Variants in BRSK1 observed in about 807,000 individuals in gnomAD.
BRSK1 encodes the protein serine/threonine-protein kinase BRSK1.
A neutral mutation model predicts 86.2 loss-of-function variants in BRSK1; 17 were observed. That is an observed-to-expected ratio of 0.20 (90% CI 0.14 to 0.30). BRSK1 has a LOEUF of 0.30. BRSK1 is among the 10% of genes least tolerant of loss of function. BRSK1 has a pLI of 1.00. For synonymous variants in BRSK1, 464 were observed against 440.1 expected, an observed-to-expected ratio of 1.05 and a Z score of -0.68; for missense variants, 719 against 1,071.9, an observed-to-expected ratio of 0.67 and a Z score of 4.60.
At chr19:55,284,872 G>A (rs575761711) in intron 1 of BRSK1, among the ~76,000 whole-genome samples, 57 of 150,332 alleles carry the variant, frequency 3.8e-4, no homozygotes, top group African/African-American at 1.4e-3. Flanking sequence ...GGACTCCTGG[G>A]TTTCAGGGAG....
At position 55,304,215 on chromosome 19, in the gene BRSK1, C is replaced by T. The variant is rs916600853; in HGVS notation, c.1347+105C>T. ...AATTCCTGTGCAGTCTTGAGACTTG[C>T]TTCTTTGTCCCTGGAGGGCCAAAGA... On this transcript the variant is annotated intron_variant, in intron 13 of 18. Transcript: ENST00000309383. This position sits in a 1 kb window ranked among gnomAD's most constrained non-coding sequence, Gnocchi z 5.2. 213 of 1,232,118 alleles carry T rather than the reference C, an allele frequency of 1.7e-4. 1 individual carries two copies. Among genetic ancestry groups the T allele is most frequent in the Non-Finnish European group, 2.4e-5 (21 of 890,834 alleles). 76.3% of individuals were successfully genotyped at this position (1,232,118 alleles called of 1,614,324 possible).
In BRSK1 at chr19:55,302,556, G is replaced by C; in HGVS notation, c.858-141G>C. ...GGGTCTGAGATGGGGGGCGAGGTCT[G>C]GGGCGTCTGGATTCCTGGGTATGAG... On this transcript the variant is annotated intron_variant, in intron 9 of 18. Transcript: ENST00000309383. The surrounding 1 kb of genome is among the most constrained non-coding windows in gnomAD (Gnocchi z 6.3). 8.9e-7 allele frequency: 1 copy of C among 1,120,422 alleles called. No individual in the cohort carries two copies. The highest frequency in any genetic ancestry group is 1.3e-6 in the Non-Finnish European group (1 of 781,242). The allele number at this position is 1,120,422 out of a possible 1,614,324, so 69.4% of individuals were successfully genotyped here.
chr19:55,295,467 A>C (rs1454477881), intron 7 of BRSK1, among the ~76,000 whole-genome samples: 1 of 152,188 alleles, frequency 6.6e-6, no homozygotes, highest in Non-Finnish European at 1.5e-5. Flanking sequence ...ATACTACATT[A>C]ACCAACAGAC....
chr19:55,303,667 A>AC lies in BRSK1; in HGVS notation c.1135dup (p.Arg379ProfsTer54), dbSNP rs746043904. ...TTGGGTTGAAACTGTTGTCCCTCAG[A>AC]CCCCCCCCGGAAGCGTGTGGATTCT... On this transcript the variant is annotated frameshift_variant and splice_region_variant, in exon 12 of 19. Transcript: ENST00000309383. LOFTEE classifies it high-confidence loss of function. This position sits in a 1 kb window ranked among gnomAD's most constrained non-coding sequence, Gnocchi z 5.1. The AC allele has an allele frequency of 1.0e-4, 166 of 1,584,580 alleles. No homozygotes were observed. The highest frequency in any genetic ancestry group is 3.2e-4 in the Admixed American group (18 of 56,046).
chr19:55,301,256 C>G (rs1355035640), intron 7 of BRSK1, among the ~76,000 whole-genome samples: 2 of 152,340 alleles, frequency 1.3e-5, no homozygotes, highest in East Asian at 3.9e-4. Flanking sequence ...CGTTTCGAAA[C>G]TGCTGTGGGG....
Position 55,303,463 on chromosome 19 carries a change from T to C in BRSK1, c.1126+55T>C. On this transcript the variant is annotated intron_variant, in intron 11 of 18. Coordinates refer to ENST00000309383, the MANE Select transcript of BRSK1 (RefSeq NM_032430.2). The surrounding 1 kb of genome is among the most constrained non-coding windows in gnomAD (Gnocchi z 5.1). Reference sequence around the variant, plus strand: ...CCTGGGTCTCGAGATTGGAAGAGGCTGGCCACGGGGACCCCAGATTCCCAA... The same window carrying C: ...CCTGGGTCTCGAGATTGGAAGAGGCCGGCCACGGGGACCCCAGATTCCCAA... The C allele has an allele frequency of 1.3e-6, 2 of 1,571,626 alleles. No individual in the cohort carries two copies. The highest frequency in any genetic ancestry group is 1.8e-6 in the Non-Finnish European group (2 of 1,142,316).
At chr19:55,291,309 C>T (rs1232098849) in intron 4 of BRSK1, among the ~76,000 whole-genome samples, 2 of 151,776 alleles carry the variant, frequency 1.3e-5, no homozygotes. Context: ...GAGGCCAAGG[C>T]GGGCAGATCA....
chr19:55,307,747 T>TACACACAC (rs68176323), intron 17 of BRSK1, among the ~76,000 whole-genome samples: 1,798 of 88,098 alleles, frequency 0.02, 81 homozygotes, highest in African/African-American at 0.086. Context: ...AAAAAATTTA[T>TACACACAC]ACACACACAC....
intron 7 of BRSK1, among the ~76,000 whole-genome samples, chr19:55,300,016 C>T (rs891193044): frequency 6.6e-6 from 1 of 152,146 alleles, no homozygotes; most frequent in Non-Finnish European, 1.5e-5. Flanking sequence ...GGAAGCATTC[C>T]CTCCCGTCCC....
At position 55,304,865 on chromosome 19, in the gene BRSK1, C is replaced by T. The variant is rs554158835; in HGVS notation, c.1662C>T (p.Asn554=). 2.5e-6 allele frequency: 4 copies of T among 1,609,676 alleles called. No individual in the cohort carries two copies. The highest frequency in any genetic ancestry group is 2.7e-5 in the African/African-American group (2 of 74,856). Reference sequence around the variant, plus strand: ...GAGCCGCCTGGAGGAGTCGTCTCAACTCCATCCGCAACAGCTTCCTGGGCT... The same window carrying T: ...GAGCCGCCTGGAGGAGTCGTCTCAATTCCATCCGCAACAGCTTCCTGGGCT... ...VGGAAWRSRL[N]SIRNSFLGSP... The change falls in exon 14 of 19, where the codon AAC becomes AAT. Residue 554 remains asparagine (N), a synonymous_variant. Transcript: ENST00000309383. The surrounding 1 kb of genome is among the most constrained non-coding windows in gnomAD (Gnocchi z 5.2).
chr19:55,285,166 A>G (rs1600166841), intron 1 of BRSK1, among the ~76,000 whole-genome samples: 1 of 122,080 alleles, frequency 8.2e-6, no homozygotes, highest in Non-Finnish European at 1.7e-5. Flanking sequence ...TGGACTCCTG[A>G]GTATGAAGGA....
intron 4 of BRSK1, among the ~76,000 whole-genome samples, chr19:55,290,941 T>C (rs1049261653): frequency 2.0e-5 from 3 of 152,078 alleles, no homozygotes; most frequent in Non-Finnish European, 4.4e-5. Flanking sequence ...GCGCCCGGCC[T>C]ACACCTCATG....
At chr19:55,289,397 C>A in intron 3 of BRSK1, 83 bp from the exon 4 acceptor site, 1 of 1,484,342 alleles carries the variant, frequency 6.7e-7, no homozygotes, top group South Asian at 1.3e-5. Context: ...TCTCTGCCAC[C>A]AGGAGCCAGT....
chr19:55,292,339 A>G (rs1326002122), intron 4 of BRSK1, among the ~76,000 whole-genome samples: 1 of 152,216 alleles, frequency 6.6e-6, no homozygotes, highest in African/African-American at 2.4e-5. Context: ...CTCACTTTGT[A>G]CATATTCAAA....
chr19:55,303,192 C>T lies in BRSK1; in HGVS notation c.1029-119C>T, dbSNP rs1256959929. 5.0e-6 allele frequency: 4 copies of T among 798,478 alleles called. No homozygotes were observed. In the Admixed American group the frequency reaches 8.9e-5, roughly 18 times the overall value. 49.5% of individuals were successfully genotyped at this position (798,478 alleles called of 1,614,324 possible). A position where few individuals can be genotyped will look rare whatever the true frequency, so the allele number is the denominator to read the frequency against. ...ACCAGAGAAACTGACCATACTGATA[C>T]CTAGAAAAAATGGAACCATGGGCAG... On this transcript the variant is annotated intron_variant, in intron 10 of 18. Coordinates refer to ENST00000309383, the MANE Select transcript of BRSK1 (RefSeq NM_032430.2). The surrounding 1 kb of genome is among the most constrained non-coding windows in gnomAD (Gnocchi z 5.1).
At chr19:55,301,774 G>GACGA in intron 8 of BRSK1, 116 bp downstream of exon 8, 1 of 1,282,550 alleles carries the variant, frequency 7.8e-7, no homozygotes, top group Non-Finnish European at 1.1e-6. Flanking sequence ...CAGGGTGACT[G>GACGA]GGATCGCCAG....
chr19:55,312,414 T>G lies in BRSK1; in HGVS notation c.*346T>G. The G allele has an allele frequency of 5.4e-6, 1 of 185,074 alleles. No homozygotes were observed. Among genetic ancestry groups the G allele is most frequent in the Non-Finnish European group, 1.1e-5 (1 of 91,194 alleles). 11.5% of individuals were successfully genotyped at this position (185,074 alleles called of 1,614,324 possible). On this transcript the variant is annotated 3_prime_UTR_variant, in exon 19 of 19. Transcript: ENST00000309383. ...CCCTGTGTCGTCCCCAACCCCCTCT[T>G]CCCGGGCCCCTCCTCCCCTGGTCCT...
Position 55,306,799 on chromosome 19 carries a change from A to G in BRSK1, c.2089+349A>G, listed in dbSNP as rs2088656689. ...CCAGAGTCACACAATACACTGTCGC[A>G]GAGCTGCAGCCCAACCCAGGCCTCC... On this transcript the variant is annotated intron_variant, in intron 17 of 18. Coordinates refer to ENST00000309383, the MANE Select transcript of BRSK1 (RefSeq NM_032430.2). This position sits in a 1 kb window ranked among gnomAD's most constrained non-coding sequence, Gnocchi z 4.7. Among the ~76,000 whole-genome samples, 1 of 152,196 alleles carries G rather than the reference A, an allele frequency of 6.6e-6. No homozygotes were observed. Among genetic ancestry groups the G allele is most frequent in the Admixed American group, 6.5e-5 (1 of 15,278 alleles).
At chr19:55,298,552 T>G (rs1386340123) in intron 7 of BRSK1, among the ~76,000 whole-genome samples, 3 of 152,322 alleles carry the variant, frequency 2.0e-5, no homozygotes, top group East Asian at 1.9e-4. Context: ...TCAAAATGTA[T>G]CTGTAACCCA....
Sources: gnomAD v4.1 joint callset for allele counts (sites outside exome capture counted in the v4.1 genomes callset) on GRCh38, gnomAD v4.1.1 for gene constraint, Gnocchi (gnomAD v3.1) non-coding constraint, MANE v1.5 for transcripts, NCBI Gene and HGNC (gene_info 2026-07-23, HGNC 2026-07-21) for gene names.